ITGAE: variants seen among roughly 807,000 people sequenced by gnomAD.
ITGAE encodes integrin subunit alpha E.
A neutral mutation model predicts 136.5 loss-of-function variants in ITGAE; 99 were observed. The ratio of observed to expected loss-of-function variants is 0.73; its 90% CI spans 0.62 to 0.86. The LOEUF (loss-of-function observed/expected upper bound fraction) is 0.86. Among genes scored for constraint, ITGAE ranks in the 40% least tolerant of loss-of-function variants. ITGAE has a pLI of 0.00. For synonymous variants in ITGAE, 613 were observed against 591.8 expected (o/e 1.04, Z -0.52); for missense variants, 1,447 against 1,515.3 (o/e 0.95, Z 0.75).
chr17:3,751,736 C>T lies in ITGAE; in HGVS notation c.1807G>A (p.Gly603Ser), dbSNP rs141262121. The change falls in exon 15 of 31, where the codon GGT (glycine) becomes AGT (serine). Residue 603 changes from glycine to serine, a missense_variant. This residue lies in a region of ITGAE where 1,031 missense variants were observed against 1,011.4 expected (regional missense o/e 1.02). Coordinates refer to ENST00000263087, the MANE Select transcript of ITGAE (RefSeq NM_002208.5). ...CTGGCACCATCATCTGCCCCAAAAC[C>T]TTCCAGGGGGGCCCCGATGGCCACA... Reference protein sequence around the residue: ...TDVAIGAPLEGFGADDGASFG... With the variant: ...TDVAIGAPLESFGADDGASFG... 6.2e-7 allele frequency: 1 copy of T among 1,613,950 alleles called. No homozygotes were observed. The highest frequency in any genetic ancestry group is 8.5e-7 in the Non-Finnish European group (1 of 1,179,984).
At chr17:3,760,493 G>A (rs1230453035) in intron 6 of ITGAE, among the ~76,000 whole-genome samples, 2 of 145,244 alleles carry the variant, frequency 1.4e-5, no homozygotes, top group Non-Finnish European at 3.0e-5. Flanking sequence ...AGGCTGGAGG[G>A]CAGTGGTGGG....
At chr17:3,736,381 T>C (rs1014643915) in intron 20 of ITGAE, among the ~76,000 whole-genome samples, 1 of 152,136 alleles carries the variant, frequency 6.6e-6, no homozygotes, top group South Asian at 2.1e-4. Flanking sequence ...ATTGAGAGAA[T>C]TGTACCCAAA....
chr17:3,760,034 T>C (rs116126293), intron 7 of ITGAE, 138 bp downstream of exon 7: 7,856 of 638,744 alleles, frequency 0.012, 115 homozygotes, highest in African/African-American at 0.038. Flanking sequence ...CCAGGCAAGA[T>C]GGACAGAAGA....
At chr17:3,719,065 C>G (rs958831152) in intron 29 of ITGAE, among the ~76,000 whole-genome samples, 1 of 150,168 alleles carries the variant, frequency 6.7e-6, no homozygotes, top group African/African-American at 2.5e-5. Context: ...AATCCTGTCT[C>G]TATTTAAAAA....
Position 3,723,891 on chromosome 17 carries a change from A to C in ITGAE, c.3085-147T>G, listed in dbSNP as rs766710471. ...AGGCGGGCGCGTCCGCGTCGCACGG[A>C]AGTCTCGCGATGTTTGCGTTTGAAC... is the stretch of plus-strand genomic sequence containing the variant. On this transcript the variant is annotated intron_variant, in intron 26 of 30. Transcript: ENST00000263087. The C allele has an allele frequency of 3.9e-6, 6 of 1,526,496 alleles. No homozygotes were observed. The South Asian group carries it at 7.6e-5, about 19-fold the overall frequency. The allele number at this position is 1,526,496 out of a possible 1,614,324, so 94.6% of individuals were successfully genotyped here. A position where few individuals can be genotyped will look rare whatever the true frequency, so the allele number is the denominator to read the frequency against.
chr17:3,730,869 A>G (rs1476925324), intron 23 of ITGAE, among the ~76,000 whole-genome samples: 1 of 152,188 alleles, frequency 6.6e-6, no homozygotes, highest in Non-Finnish European at 1.5e-5. Flanking sequence ...GGCTCATTCC[A>G]CCAGGCTGTA....
At chr17:3,719,284 C>T (rs2051004722) in intron 29 of ITGAE, among the ~76,000 whole-genome samples, 1 of 140,656 alleles carries the variant, frequency 7.1e-6, no homozygotes, top group African/African-American at 3.1e-5. Context: ...AAATACACTA[C>T]TTAAAAATAA....
intron 2 of ITGAE, among the ~76,000 whole-genome samples, chr17:3,775,841 C>T (rs998258312): frequency 3.3e-5 from 5 of 151,994 alleles, no homozygotes; most frequent in Middle Eastern, 3.2e-3. Context: ...TCAGAGGCCA[C>T]GTGCATCCTC....
chr17:3,786,752 T>C (rs2052807352), intron 1 of ITGAE, among the ~76,000 whole-genome samples: 1 of 151,944 alleles, frequency 6.6e-6, no homozygotes, highest in South Asian at 2.1e-4. Context: ...TAGCTGGGCG[T>C]GGTGGCGCAC....
chr17:3,797,267 G>A (rs1447880695), intron 1 of ITGAE, among the ~76,000 whole-genome samples: 9 of 146,054 alleles, frequency 6.2e-5, no homozygotes, highest in South Asian at 4.5e-4. Context: ...CCGGGTTCAC[G>A]CCATTCTCCT....
At position 3,772,812 on chromosome 17, in the gene ITGAE, T is replaced by A. The variant is rs1043867042; in HGVS notation, c.155+4728A>T. On this transcript the variant is annotated intron_variant, in intron 2 of 30. Coordinates refer to ENST00000263087, the MANE Select transcript of ITGAE (RefSeq NM_002208.5). ...GATGAAACCAGGATCCAGAAAGGAC[T>A]CTCTAATGATGTAGGAAACGTCGAG... Among the ~76,000 whole-genome samples, 3 of 152,074 alleles carry A rather than the reference T, an allele frequency of 2.0e-5. No homozygotes were observed. In the South Asian group the frequency reaches 6.2e-4, roughly 32 times the overall value.
intron 26 of ITGAE, chr17:3,726,331 A>T (rs1444564308): frequency 1.3e-6 from 2 of 1,599,930 alleles, no homozygotes; most frequent in Non-Finnish European, 1.7e-6. Flanking sequence ...CTGTTTAAGT[A>T]AGCTAAATGT....
chr17:3,765,945 C>T (rs1198991227), intron 2 of ITGAE, among the ~76,000 whole-genome samples: 2 of 152,152 alleles, frequency 1.3e-5, no homozygotes, highest in Non-Finnish European at 2.9e-5. Context: ...TAATGGCCCC[C>T]CAAAGAAGGC....
chr17:3,759,660 C>T, intron 7 of ITGAE, 107 bp from the exon 8 acceptor site: 3 of 1,356,858 alleles, frequency 2.2e-6, no homozygotes, highest in Non-Finnish European at 3.1e-6. Context: ...CTACCTTATC[C>T]CTGGGCAGAA....
chr17:3,800,439 A>AG (rs1342305919), intron 1 of ITGAE, among the ~76,000 whole-genome samples: 1 of 152,190 alleles, frequency 6.6e-6, no homozygotes, highest in Non-Finnish European at 1.5e-5. Context: ...AGCAGCCTCC[A>AG]GGGGCTCACC....
intron 1 of ITGAE, among the ~76,000 whole-genome samples, chr17:3,778,849 A>G (rs2052602676): frequency 6.6e-6 from 1 of 152,222 alleles, no homozygotes; most frequent in Non-Finnish European, 1.5e-5. Context: ...TGGGCAGAGC[A>G]GGACAGTGAT....
intron 1 of ITGAE, among the ~76,000 whole-genome samples, chr17:3,784,121 G>A (rs533565790): frequency 1.1e-3 from 171 of 152,036 alleles, no homozygotes; most frequent in African/African-American, 3.8e-3. Context: ...TTAGCCGGGC[G>A]TGGTGGCGGG....
intron 2 of ITGAE, among the ~76,000 whole-genome samples, chr17:3,776,403 G>A (rs2052541310): frequency 1.3e-5 from 2 of 152,116 alleles, no homozygotes; most frequent in African/African-American, 4.8e-5. Flanking sequence ...AATAGTCTTT[G>A]CGACAATCCT....
chr17:3,776,077 A>ATTTTT (rs1211260274), intron 2 of ITGAE, among the ~76,000 whole-genome samples: 2 of 66,274 alleles, frequency 3.0e-5, no homozygotes, highest in Non-Finnish European at 5.2e-5. Context: ...TTTTTTTTTG[A>ATTTTT]GACGGAGTCT....
Sources: gnomAD v4.1 joint callset for allele counts (sites outside exome capture counted in the v4.1 genomes callset) on GRCh38, gnomAD v4.1.1 for gene constraint, gnomAD v4.1.1 regional missense constraint, MANE v1.5 for transcripts, NCBI Gene and HGNC (gene_info 2026-07-23, HGNC 2026-07-21) for gene names.